Variants in CDHR2 observed in about 807,000 individuals in gnomAD.
The protein encoded by CDHR2 is cadherin related family member 2.
In CDHR2, 104 loss-of-function variants were observed where a neutral mutation model predicts 138.6. The ratio of observed to expected loss-of-function variants is 0.75; its 90% CI spans 0.64 to 0.88. CDHR2 has a LOEUF of 0.88. Among genes scored for constraint, CDHR2 ranks in the 40% least tolerant of loss-of-function variants. The pLI, the probability that CDHR2 is intolerant of heterozygous loss-of-function variation, is 0.00. For missense variants in CDHR2, 1,624 were observed against 1,727.6 expected (o/e 0.94, Z 1.06); for synonymous variants, 755 against 742.8 (o/e 1.02, Z -0.27).
upstream of CDHR2, among the ~76,000 whole-genome samples, chr5:176,549,188 G>A (rs1042428008): frequency 2.6e-5 from 4 of 152,318 alleles, no homozygotes; most frequent in South Asian, 2.1e-4. Context: ...GAGCTCTGGC[G>A]CCTTGGTCCC....
At position 176,543,852 on chromosome 5, in the gene CDHR2, AC is replaced by A. The variant is rs1462382329; in HGVS notation, c.-16+1084del. The A allele has an allele frequency of 5.9e-5, 9 of 152,424 alleles. No individual in the cohort carries two copies. Among genetic ancestry groups the A allele is most frequent in the Non-Finnish European group, 8.8e-5 (6 of 68,224 alleles). 9.4% of individuals were successfully genotyped at this position (152,424 alleles called of 1,614,324 possible). On this transcript the variant is annotated intron_variant, in intron 1 of 31. Coordinates refer to the CDHR2 transcript ENST00000510636. This position sits in a 1 kb window ranked among gnomAD's most constrained non-coding sequence, Gnocchi z 4.0. ...AGGAGGATGGGAGACTCCAGTGACA[AC>A]AAAACGAGGCGGCCGGCCGAGACAT...
intron 1 of CDHR2, among the ~76,000 whole-genome samples, chr5:176,563,082 T>G (rs1758000772): frequency 6.6e-6 from 1 of 152,144 alleles, no homozygotes; most frequent in Admixed American, 6.5e-5. Flanking sequence ...GCGCAGTGGC[T>G]CACACCTGTA....
At chr5:176,594,028 G>T (rs1316425666) in intron 31 of CDHR2, among the ~76,000 whole-genome samples, 1 of 152,184 alleles carries the variant, frequency 6.6e-6, no homozygotes, top group East Asian at 1.9e-4. Flanking sequence ...GGAGTGCATG[G>T]CCTGTGGCAG....
intron 16 of CDHR2, among the ~76,000 whole-genome samples, chr5:176,580,889 G>T (rs186838710): frequency 2.8e-4 from 42 of 151,982 alleles, no homozygotes; most frequent in Middle Eastern, 3.4e-3. Context: ...AAAGAAAAAA[G>T]AAAAAAGAAA....
At position 176,575,034 on chromosome 5, in the gene CDHR2, C is replaced by T. The variant is rs770133636; in HGVS notation, c.496-50C>T. 27 of 1,605,436 alleles carry T rather than the reference C, an allele frequency of 1.7e-5. No homozygotes were observed. In the Admixed American group the frequency reaches 2.0e-4, roughly 12 times the overall value. On this transcript the variant is annotated intron_variant, in intron 7 of 31. Transcript: ENST00000261944. ...CCTGCGTTGCTCAGAGTGGGGTCCT[C>T]GGTGCAGGGCTGTCCCTAGGGAGCC...
chr5:176,588,478 T>A (rs1216802839), intron 21 of CDHR2, among the ~76,000 whole-genome samples: 1 of 149,964 alleles, frequency 6.7e-6, no homozygotes, highest in African/African-American at 2.5e-5. Flanking sequence ...TATGTGAGTG[T>A]GAGAGGATAA....
chr5:176,577,947 G>A, intron 14 of CDHR2, 87 bp from the exon 15 acceptor site: 1 of 1,510,020 alleles, frequency 6.6e-7, no homozygotes, highest in Admixed American at 1.8e-5. Context: ...GTGTGAGGAA[G>A]CACGACAGCT....
At chr5:176,585,726 C>T (rs899347437) in intron 19 of CDHR2, among the ~76,000 whole-genome samples, 8 of 151,828 alleles carry the variant, frequency 5.3e-5, no homozygotes, top group Non-Finnish European at 1.2e-4. Context: ...GGGTCAGGAG[C>T]AGGGAAGGGG....
intron 3 of CDHR2, 78 bp downstream of exon 3, chr5:176,565,821 C>G: frequency 1.9e-6 from 2 of 1,064,946 alleles, no homozygotes; most frequent in Non-Finnish European, 2.8e-6. Context: ...CTGGAGCCCC[C>G]ACCATGCCTG....
chr5:176,589,555 T>A lies in CDHR2; in HGVS notation c.3145T>A (p.Ser1049Thr). 1 of 1,613,962 alleles carries A rather than the reference T, an allele frequency of 6.2e-7. No individual in the cohort carries two copies. The highest frequency in any genetic ancestry group is 1.1e-5 in the South Asian group (1 of 91,078). Residue 1049 changes from serine (S) to threonine (T), a missense_variant, in exon 24 of 32, where the codon TCG becomes ACG. By Grantham distance (58) the Ser-to-Thr change is moderately conservative (BLOSUM62 1). Coordinates refer to ENST00000261944, the MANE Select transcript of CDHR2 (RefSeq NM_017675.6). ...NLFTVDQSYR[S>T]RLQFSTPKEE... ...CTTCACCGTGGACCAGAGTTACCGC[T>A]CGCGGCTGCAGTTCTCCACACCGAA...
Position 176,586,033 on chromosome 5 carries a change from G to A in CDHR2, c.2806+8G>A, listed in dbSNP as rs1758655210. 1.2e-6 allele frequency: 2 copies of A among 1,612,182 alleles called. No homozygotes were observed. The highest frequency in any genetic ancestry group is 2.2e-5 in the East Asian group (1 of 44,876). ...CTGAGAATAAGACTTTTGGTAAGCA[G>A]CAACCCCATTCACACACCATACCCC... On this transcript the variant is annotated splice_region_variant and intron_variant, in intron 20 of 31. Coordinates refer to ENST00000261944, the MANE Select transcript of CDHR2 (RefSeq NM_017675.6).
At position 176,560,145 on chromosome 5, in the gene CDHR2, C is replaced by G. The variant is rs530978826; in HGVS notation, c.-15-5193C>G. ...GGCGCAGTGGCTCACGCCTGTAATC[C>G]CAGCAATTTGGGAGACCGAGGCGGG... On this transcript the variant is annotated intron_variant, in intron 1 of 31. Transcript: ENST00000261944. Among the ~76,000 whole-genome samples, 32 of 152,308 alleles carry G rather than the reference C, an allele frequency of 2.1e-4. No homozygotes were observed. In the South Asian group the frequency reaches 4.6e-3, roughly 22 times the overall value.
chr5:176,563,848 C>T (rs1288280391), intron 1 of CDHR2, among the ~76,000 whole-genome samples: 2 of 152,140 alleles, frequency 1.3e-5, no homozygotes, highest in Non-Finnish European at 2.9e-5. Context: ...CCTTTGTTTG[C>T]TTTCAAGCTT....
In CDHR2 at chr5:176,587,954, TTAAA is replaced by T. The variant is rs543334132; in HGVS notation, c.2857-1074_2857-1071del. Among the ~76,000 whole-genome samples, 20 of 152,338 alleles carry T rather than the reference TTAAA, an allele frequency of 1.3e-4. No individual in the cohort carries two copies. The East Asian group carries it at 3.1e-3, about 23-fold the overall frequency. ...AAGAGTTTAGCCACGGCAATTTTCT[TTAAA>T]TAGATTCCTTTTTAAGACCTAAGCA... On this transcript the variant is annotated intron_variant, in intron 21 of 31. Coordinates refer to ENST00000261944, the MANE Select transcript of CDHR2 (RefSeq NM_017675.6).
At position 176,543,968 on chromosome 5, in the gene CDHR2, G is replaced by C. The variant is rs989341120; in HGVS notation, c.-16+1199G>C. ...ATGGCCGGCACCAGCTCAGGCCGCGGGTCCCGGCGCCGGAGGGTAGCCCCA... is the reference window on the plus strand; with the variant it reads ...ATGGCCGGCACCAGCTCAGGCCGCGCGTCCCGGCGCCGGAGGGTAGCCCCA... On this transcript the variant is annotated intron_variant, in intron 1 of 31. Transcript: ENST00000510636. This position sits in a 1 kb window ranked among gnomAD's most constrained non-coding sequence, Gnocchi z 4.0. Among the ~76,000 whole-genome samples, 1 of 152,242 alleles carries C rather than the reference G, an allele frequency of 6.6e-6. No individual in the cohort carries two copies. The highest frequency in any genetic ancestry group is 2.4e-5 in the African/African-American group (1 of 41,458).
In CDHR2 at chr5:176,575,265, G is replaced by C; in HGVS notation, c.622-15G>C. ...GACCCACGGCGCTGGCTCACGGGTGGCCATCTCCCCGCAGGACTTGGGCGG... is the reference window on the plus strand; with the variant it reads ...GACCCACGGCGCTGGCTCACGGGTGCCCATCTCCCCGCAGGACTTGGGCGG... On this transcript the variant is annotated splice_polypyrimidine_tract_variant and intron_variant, in intron 8 of 31. Transcript: ENST00000261944. 1 of 1,614,142 alleles carries C rather than the reference G, an allele frequency of 6.2e-7. No individual in the cohort carries two copies. Among genetic ancestry groups the C allele is most frequent in the South Asian group, 1.1e-5 (1 of 91,086 alleles).
At chr5:176,577,933 C>T (rs960729588) in intron 14 of CDHR2, 101 bp from the exon 15 acceptor site, 41 of 1,498,532 alleles carry the variant, frequency 2.7e-5, no homozygotes, top group Non-Finnish European at 3.7e-5. Context: ...GGGATTCTCC[C>T]TTTGTGTGAG....
At chr5:176,568,839 G>C (rs756296294) in intron 4 of CDHR2, 22 bp downstream of exon 4, 4 of 1,613,638 alleles carry the variant, frequency 2.5e-6, no homozygotes, top group South Asian at 1.1e-5. Context: ...CAGCCGGAGA[G>C]GGCACGGGAC....
Position 176,565,676 on chromosome 5 carries a change from A to G in CDHR2, c.57A>G (p.Ala19=). ...FLLPALVVSV[A]ANVAPKFLAN... ...CAGCACACTGTGTCCCTACAGTGGC[A>G]GCCAACGTGGCCCCGAAGTTCCTAG... The change falls in exon 3 of 32, where the codon GCA becomes GCG. Residue 19 remains alanine (A), a synonymous_variant. Transcript: ENST00000261944. The G allele has an allele frequency of 6.2e-7, 1 of 1,613,720 alleles. No homozygotes were observed.
Sources: gnomAD v4.1 joint callset for allele counts (sites outside exome capture counted in the v4.1 genomes callset) on GRCh38, gnomAD v4.1.1 for gene constraint, Gnocchi (gnomAD v3.1) non-coding constraint, MANE v1.5 for transcripts, NCBI Gene and HGNC (gene_info 2026-07-23, HGNC 2026-07-21) for gene names.